Variants in MACROD2 observed in about 807,000 individuals in gnomAD.
The protein encoded by MACROD2 is ADP-ribose glycohydrolase MACROD2.
MACROD2 carries 36 observed loss-of-function variants against 70.4 expected under a neutral mutation model. That is an observed-to-expected ratio of 0.51 (90% CI 0.39 to 0.68). The LOEUF is 0.68. Among genes scored for constraint, MACROD2 ranks in the 30% least tolerant of loss-of-function variants. The probability of loss-of-function intolerance (pLI) is 0.00; values close to 1 mark genes in which losing one functional copy is unlikely to be tolerated. For synonymous variants in MACROD2, 172 were observed against 178.8 expected, an observed-to-expected ratio of 0.96 and a Z score of 0.30; for missense variants, 496 against 538.4, an observed-to-expected ratio of 0.92 and a Z score of 0.78.
intron 4 of MACROD2, among the ~76,000 whole-genome samples, chr20:14,623,676 G>A (rs1355325498): frequency 6.6e-6 from 1 of 152,142 alleles, no homozygotes; most frequent in African/African-American, 2.4e-5. Flanking sequence ...ATATTAGTGA[G>A]AGGAGCATCA....
chr20:16,002,345 T>C (rs2066721034), intron 15 of MACROD2, among the ~76,000 whole-genome samples: 1 of 152,204 alleles, frequency 6.6e-6, no homozygotes, highest in Non-Finnish European at 1.5e-5. Flanking sequence ...AACCTTTCCA[T>C]GTGTTACATT....
At chr20:15,353,391 A>G (rs1187377497) in intron 6 of MACROD2, among the ~76,000 whole-genome samples, 2 of 152,352 alleles carry the variant, frequency 1.3e-5, no homozygotes, top group East Asian at 3.9e-4. Flanking sequence ...ACCTAAAACC[A>G]TAAAAACCCT....
intron 8 of MACROD2, among the ~76,000 whole-genome samples, chr20:15,704,956 A>G (rs1036008515): frequency 6.6e-6 from 1 of 152,318 alleles, no homozygotes; most frequent in East Asian, 1.9e-4. Context: ...AGTCACCCAT[A>G]GAGGTGAAAT....
chr20:15,559,225 TCAA>T (rs1190592639), intron 8 of MACROD2, among the ~76,000 whole-genome samples: 1 of 40,688 alleles, frequency 2.5e-5, no homozygotes, highest in Non-Finnish European at 4.2e-5. Context: ...AAACTCCGTC[TCAA>T]AAAAAAAAAA....
chr20:15,937,719 T>C (rs781587784), intron 12 of MACROD2, among the ~76,000 whole-genome samples, 175 bp downstream of exon 12: 7 of 112,094 alleles, frequency 6.2e-5, no homozygotes, highest in Non-Finnish European at 1.2e-4. Flanking sequence ...ACCTAGCCTG[T>C]ATAGAAAATT....
At chr20:15,914,734 G>A (rs1345107941) in intron 10 of MACROD2, among the ~76,000 whole-genome samples, 2 of 152,062 alleles carry the variant, frequency 1.3e-5, no homozygotes, top group Non-Finnish European at 2.9e-5. Flanking sequence ...TGAGCATCAG[G>A]TGGCACAGAT....
intron 4 of MACROD2, among the ~76,000 whole-genome samples, chr20:14,571,481 T>A (rs1980187245): frequency 6.6e-6 from 1 of 152,096 alleles, no homozygotes; most frequent in South Asian, 2.1e-4. Flanking sequence ...CACTTGTAAT[T>A]AAAAAGTAAT....
chr20:15,062,930 G>A (rs1321048358), intron 5 of MACROD2, among the ~76,000 whole-genome samples: 4 of 152,182 alleles, frequency 2.6e-5, no homozygotes, highest in African/African-American at 9.7e-5. Context: ...CTCCATTATT[G>A]CCAGCACTGC....
At chr20:14,133,651 G>T (rs1302818827) in intron 3 of MACROD2, among the ~76,000 whole-genome samples, 1 of 152,230 alleles carries the variant, frequency 6.6e-6, no homozygotes, top group Non-Finnish European at 1.5e-5. Context: ...TGAATAAAGT[G>T]AAGGAACAAC....
At chr20:14,947,886 A>G (rs545969737) in intron 5 of MACROD2, among the ~76,000 whole-genome samples, 12 of 152,268 alleles carry the variant, frequency 7.9e-5, no homozygotes, top group Admixed American at 2.6e-4. Context: ...TGGTAGCTCA[A>G]TGCTGGCCCA....
chr20:14,147,358 T>C (rs1435368128), intron 3 of MACROD2, among the ~76,000 whole-genome samples: 3 of 152,224 alleles, frequency 2.0e-5, no homozygotes, highest in Non-Finnish European at 4.4e-5. Context: ...AGTTTTCTTA[T>C]CTGTAAAATG....
At chr20:14,845,140 C>T (rs1028835555) in intron 5 of MACROD2, among the ~76,000 whole-genome samples, 6 of 152,032 alleles carry the variant, frequency 3.9e-5, no homozygotes, top group Non-Finnish European at 5.9e-5. Flanking sequence ...ATTTCATAAT[C>T]TTGTCACATC....
intron 8 of MACROD2, among the ~76,000 whole-genome samples, chr20:15,649,202 C>T (rs1600712398): frequency 2.3e-5 from 1 of 44,398 alleles, no homozygotes; most frequent in Non-Finnish European, 4.0e-5. Context: ...TTTCTTCTTT[C>T]TTTCCTTCTT....
intron 6 of MACROD2, among the ~76,000 whole-genome samples, chr20:15,257,078 G>A (rs2077205944): frequency 6.6e-6 from 1 of 151,800 alleles, no homozygotes; most frequent in Non-Finnish European, 1.5e-5. Flanking sequence ...CTTTCTCTTA[G>A]CTATTTTTTT....
intron 4 of MACROD2, among the ~76,000 whole-genome samples, chr20:14,543,646 G>A (rs1241845494): frequency 1.3e-5 from 2 of 152,130 alleles, no homozygotes; most frequent in Non-Finnish European, 1.5e-5. Flanking sequence ...TAACTTAATT[G>A]TAAATGCAGA....
chr20:14,504,070 C>G (rs1173193752), intron 4 of MACROD2, among the ~76,000 whole-genome samples: 1 of 152,186 alleles, frequency 6.6e-6, no homozygotes, highest in Non-Finnish European at 1.5e-5. Flanking sequence ...AGGTAACTAT[C>G]TCTCTTTCCT....
chr20:15,955,713 G>T (rs1344475761), intron 12 of MACROD2, among the ~76,000 whole-genome samples: 2 of 151,650 alleles, frequency 1.3e-5, no homozygotes, highest in Non-Finnish European at 2.9e-5. Context: ...TTTTCAAAAA[G>T]GCACACTAAG....
At chr20:14,452,449 T>C (rs1338168051) in intron 3 of MACROD2, among the ~76,000 whole-genome samples, 1 of 152,114 alleles carries the variant, frequency 6.6e-6, no homozygotes, top group Non-Finnish European at 1.5e-5. Flanking sequence ...GTAGGACTTT[T>C]CATTATACCA....
intron 6 of MACROD2, among the ~76,000 whole-genome samples, chr20:15,417,244 C>CA (rs776306998): frequency 2.6e-5 from 4 of 151,242 alleles, no homozygotes; most frequent in African/African-American, 4.9e-5. Flanking sequence ...TGTAGCCATA[C>CA]AAAAAAAGGG....
Sources: gnomAD v4.1 joint callset for allele counts (sites outside exome capture counted in the v4.1 genomes callset) on GRCh38, gnomAD v4.1.1 for gene constraint, MANE v1.5 for transcripts, NCBI Gene and HGNC (gene_info 2026-07-23, HGNC 2026-07-21) for gene names.